Variants in ACOXL observed in about 807,000 individuals in gnomAD.
The protein encoded by ACOXL is acyl-CoA oxidase like.
A neutral mutation model predicts 71.9 loss-of-function variants in ACOXL; 70 were observed. The observed-to-expected ratio is 0.97, with a 90% CI of 0.80 to 1.19. The LOEUF (loss-of-function observed/expected upper bound fraction) is 1.19. Ranked by LOEUF, ACOXL falls within the 50% of genes most tolerant of loss-of-function variation. The pLI, the probability that ACOXL is intolerant of heterozygous loss-of-function variation, is 0.00. For missense variants in ACOXL, 703 were observed against 736.3 expected (o/e 0.95, Z 0.52); for synonymous variants, 253 against 281.6 (o/e 0.90, Z 1.02).
intron 10 of ACOXL, among the ~76,000 whole-genome samples, chr2:110,901,381 A>G (rs1473892543): frequency 6.6e-6 from 1 of 152,092 alleles, no homozygotes; most frequent in Non-Finnish European, 1.5e-5. Context: ...ATCTCTTTCC[A>G]TATCTGAAAT....
At chr2:111,010,932 C>A (rs904272777) in intron 14 of ACOXL, among the ~76,000 whole-genome samples, 1 of 152,048 alleles carries the variant, frequency 6.6e-6, no homozygotes, top group African/African-American at 2.4e-5. Flanking sequence ...ACAAGAAATG[C>A]TAAGGAAGGT....
At chr2:110,910,077 A>G (rs2059597128) in intron 11 of ACOXL, among the ~76,000 whole-genome samples, 1 of 152,196 alleles carries the variant, frequency 6.6e-6, no homozygotes, top group Admixed American at 6.5e-5. Flanking sequence ...TGTAATAAAC[A>G]CTAAAACCAA....
chr2:110,773,008 A>G (rs961228734), intron 2 of ACOXL, among the ~76,000 whole-genome samples: 2 of 152,196 alleles, frequency 1.3e-5, no homozygotes, highest in Non-Finnish European at 1.5e-5. Flanking sequence ...GTAAATTGAC[A>G]GCTGTAGCCT....
intron 5 of ACOXL, among the ~76,000 whole-genome samples, chr2:110,798,168 G>A (rs3761712): frequency 0.38 from 57,126 of 151,946 alleles, 12,258 homozygotes; most frequent in South Asian, 0.48. Context: ...GTGGAGCCAG[G>A]TGACCTTCCC....
At chr2:110,971,082 T>C (rs1283497814) in intron 12 of ACOXL, among the ~76,000 whole-genome samples, 1 of 152,184 alleles carries the variant, frequency 6.6e-6, no homozygotes, top group African/African-American at 2.4e-5. Context: ...AACAAAGGAC[T>C]TGAGTCTAGA....
intron 17 of ACOXL, among the ~76,000 whole-genome samples, chr2:111,111,886 G>C (rs1259715479): frequency 6.6e-6 from 1 of 152,234 alleles, no homozygotes; most frequent in Non-Finnish European, 1.5e-5. Flanking sequence ...AAGTGGCAAT[G>C]TCAGAGTTCA....
chr2:111,049,374 G>A, intron 16 of ACOXL, 86 bp downstream of exon 16: 1 of 1,064,954 alleles, frequency 9.4e-7, no homozygotes, highest in Non-Finnish European at 1.4e-6. Flanking sequence ...ACAAGCGGGA[G>A]TAAATTTATC....
At chr2:111,027,252 A>G (rs773083756) in intron 14 of ACOXL, among the ~76,000 whole-genome samples, 5 of 151,870 alleles carry the variant, frequency 3.3e-5, no homozygotes, top group African/African-American at 7.3e-5. Flanking sequence ...AGGCTAAGCT[A>G]AGTTCTGTCT....
chr2:110,794,922 C>G (rs1440372830), intron 5 of ACOXL, among the ~76,000 whole-genome samples: 1 of 152,128 alleles, frequency 6.6e-6, no homozygotes, highest in African/African-American at 2.4e-5. Flanking sequence ...ATGCCCATCT[C>G]TTTAACTCCT....
chr2:111,111,214 G>A (rs76064157), intron 17 of ACOXL, among the ~76,000 whole-genome samples: 158 of 151,540 alleles, frequency 1.0e-3, no homozygotes, highest in Non-Finnish European at 2.0e-3. Context: ...ATCCACCCAC[G>A]TCAGCCTCCC....
intron 14 of ACOXL, among the ~76,000 whole-genome samples, chr2:111,017,361 C>T (rs2064504922): frequency 6.6e-6 from 1 of 152,206 alleles, no homozygotes; most frequent in Non-Finnish European, 1.5e-5. Context: ...AATCTTACCG[C>T]AGAACTGAGA....
At chr2:110,878,028 A>G (rs1696140034) in intron 10 of ACOXL, among the ~76,000 whole-genome samples, 1 of 152,208 alleles carries the variant, frequency 6.6e-6, no homozygotes, top group Admixed American at 6.5e-5. Flanking sequence ...TTTTTAAGCA[A>G]GCTCATTTTG....
intron 1 of ACOXL, among the ~76,000 whole-genome samples, chr2:110,753,773 T>G (rs921414973): frequency 8.5e-5 from 13 of 152,246 alleles, no homozygotes; most frequent in Non-Finnish European, 1.6e-4. Context: ...GGTATCTGTT[T>G]AATTTTATGA....
At chr2:110,830,685 C>T (rs1689719028) in intron 9 of ACOXL, among the ~76,000 whole-genome samples, 1 of 152,082 alleles carries the variant, frequency 6.6e-6, no homozygotes, top group Admixed American at 6.6e-5. Flanking sequence ...AGGCGCCCGC[C>T]ACCACGCCTG....
At chr2:111,084,850 G>T (rs1249401609) in intron 16 of ACOXL, among the ~76,000 whole-genome samples, 1 of 149,912 alleles carries the variant, frequency 6.7e-6, no homozygotes, top group Non-Finnish European at 1.5e-5. Context: ...ACACCCATAG[G>T]CTCAAAATGA....
intron 15 of ACOXL, among the ~76,000 whole-genome samples, chr2:111,047,717 T>C (rs2066085499): frequency 6.6e-6 from 1 of 152,234 alleles, no homozygotes. Flanking sequence ...ATAGGCAAAG[T>C]TAATTTTTAA....
intron 14 of ACOXL, among the ~76,000 whole-genome samples, chr2:111,029,059 T>TAA (rs1343511410): frequency 6.6e-6 from 1 of 152,240 alleles, no homozygotes; most frequent in African/African-American, 2.4e-5. Context: ...ATGAAGATCT[T>TAA]AATAAAATCT....
intron 14 of ACOXL, among the ~76,000 whole-genome samples, chr2:111,029,926 A>C (rs2065188186): frequency 6.6e-6 from 1 of 152,050 alleles, no homozygotes; most frequent in African/African-American, 2.4e-5. Flanking sequence ...GGCTTTCTGC[A>C]AAGTTTCCCA....
chr2:110,801,384 C>T (rs1402939673), intron 7 of ACOXL, among the ~76,000 whole-genome samples: 1 of 152,190 alleles, frequency 6.6e-6, no homozygotes, highest in Non-Finnish European at 1.5e-5. Flanking sequence ...CCACTACATG[C>T]CCAAAGCATG....
Sources: allele counts gnomAD v4.1 joint callset (sites outside exome capture counted in the v4.1 genomes callset), GRCh38; gene constraint gnomAD v4.1.1; transcripts MANE v1.5; gene names NCBI Gene and HGNC (gene_info 2026-07-23, HGNC 2026-07-21).